The following DCAF10 variants were observed in gnomAD, a reference collection of about 807,000 sequenced individuals.
The protein encoded by DCAF10 is DDB1- and CUL4-associated factor 10.
Under a neutral mutation model 51.9 loss-of-function variants are expected in DCAF10, and 19 were observed. That is an observed-to-expected ratio of 0.37 (90% CI 0.26 to 0.54). The LOEUF (loss-of-function observed/expected upper bound fraction) is 0.54, where lower values mean the gene tolerates loss of function less well. DCAF10 is among the 20% of genes least tolerant of loss of function. The pLI, the probability that DCAF10 is intolerant of heterozygous loss-of-function variation, is 0.87. For synonymous variants in DCAF10, 291 were observed against 297.1 expected (o/e 0.98, Z 0.21); for missense variants, 510 against 730.6 (o/e 0.70, Z 3.48).
At chr9:37,853,067 G>A (rs537820765) in intron 3 of DCAF10, among the ~76,000 whole-genome samples, 90 of 146,552 alleles carry the variant, frequency 6.1e-4, no homozygotes, top group African/African-American at 2.1e-3. Flanking sequence ...CAGGAGAATC[G>A]CTTAAACCCA....
At position 37,801,140 on chromosome 9, in the gene DCAF10, TC is replaced by T; in HGVS notation, c.278del (p.Pro93LeufsTer35). Reference protein sequence around the residue: ...ASAPGEPSPPSPPCRRPGPDC... With the variant: ...ASAPGEPSPPXPPCRRPGPDC... The stretch of plus-strand genomic sequence containing the variant: ...CGCCCCGGGAGAGCCGTCACCTCCC[TC>T]CCCTCCGTGCCGGCGGCCCGGGCCA... On this transcript the variant is annotated frameshift_variant, in exon 1 of 7. Coordinates refer to ENST00000377724, the MANE Select transcript of DCAF10 (RefSeq NM_024345.5). LOFTEE classifies it high-confidence loss of function. The surrounding 1 kb of genome is among the most constrained non-coding windows in gnomAD (Gnocchi z 5.5). 1 of 1,536,574 alleles carries T rather than the reference TC, an allele frequency of 6.5e-7. No homozygotes were observed. Among genetic ancestry groups the T allele is most frequent in the East Asian group, 2.6e-5 (1 of 38,962 alleles).
At chr9:37,824,773 G>T (rs573809145) in intron 2 of DCAF10, among the ~76,000 whole-genome samples, 1 of 151,768 alleles carries the variant, frequency 6.6e-6, no homozygotes, top group South Asian at 2.1e-4. Flanking sequence ...AATGGGAAAA[G>T]AAAACTGATA....
chr9:37,826,484 A>G (rs1437028914), intron 2 of DCAF10, among the ~76,000 whole-genome samples: 1 of 152,170 alleles, frequency 6.6e-6, no homozygotes, highest in Non-Finnish European at 1.5e-5. Context: ...TAATGCTATG[A>G]CCCAGCAGTT....
At chr9:37,833,338 G>T (rs1391455699) in intron 2 of DCAF10, among the ~76,000 whole-genome samples, 1 of 152,140 alleles carries the variant, frequency 6.6e-6, no homozygotes, top group East Asian at 1.9e-4. Context: ...ATTGTCAGTT[G>T]AAAATATTGG....
At chr9:37,828,758 C>G (rs10973574) in intron 2 of DCAF10, among the ~76,000 whole-genome samples, 29,129 of 151,550 alleles carry the variant, frequency 0.19, 3,199 homozygotes, top group African/African-American at 0.29. Context: ...TGAACCAGTG[C>G]GGGGTGGAAA....
At position 37,863,667 on chromosome 9, in the gene DCAF10, G is replaced by A. The variant is rs1356669763; in HGVS notation, c.*2159G>A. 1 of 152,090 alleles carries A rather than the reference G, an allele frequency of 6.6e-6. No individual in the cohort carries two copies. The highest frequency in any genetic ancestry group is 1.5e-5 in the Non-Finnish European group (1 of 68,028). The allele number at this position is 152,090 out of a possible 1,614,324, so 9.4% of individuals were successfully genotyped here. A position where few individuals can be genotyped will look rare whatever the true frequency, so the allele number is the denominator to read the frequency against. Reference sequence around the variant, plus strand: ...GTATTATTGTAAATACCCTTAAACTGGCCAATAGATTTTAGAAAGGCAGGC... The same window carrying A: ...GTATTATTGTAAATACCCTTAAACTAGCCAATAGATTTTAGAAAGGCAGGC... On this transcript the variant is annotated 3_prime_UTR_variant, in exon 7 of 7. Coordinates refer to ENST00000377724, the MANE Select transcript of DCAF10 (RefSeq NM_024345.5).
At chr9:37,806,318 A>G (rs1374705390) in intron 1 of DCAF10, among the ~76,000 whole-genome samples, 6 of 152,194 alleles carry the variant, frequency 3.9e-5, no homozygotes, top group Non-Finnish European at 8.8e-5. Context: ...AACCAATTAT[A>G]TAGCAACTAA....
chr9:37,835,753 CA>C (rs1830144605), intron 2 of DCAF10, among the ~76,000 whole-genome samples: 1 of 151,866 alleles, frequency 6.6e-6, no homozygotes, highest in Non-Finnish European at 1.5e-5. Flanking sequence ...ACAACAACAA[CA>C]AAAAACATTA....
At chr9:37,804,940 T>A (rs1028633575) in intron 1 of DCAF10, among the ~76,000 whole-genome samples, 1 of 152,108 alleles carries the variant, frequency 6.6e-6, no homozygotes, top group Non-Finnish European at 1.5e-5. Context: ...AGGTTCTTTG[T>A]CCTTGCCAAG....
At position 37,837,450 on chromosome 9, in the gene DCAF10, T is replaced by C. The variant is rs878944189; in HGVS notation, c.654-4639T>C. Reference sequence around the variant, plus strand: ...CTCCAGCCTGGCAACAGAGCGAGACTCCATCTCAAAAAAAAAAAAAAAAAA... The same window carrying C: ...CTCCAGCCTGGCAACAGAGCGAGACCCCATCTCAAAAAAAAAAAAAAAAAA... On this transcript the variant is annotated intron_variant, in intron 2 of 6. Transcript: ENST00000377724. Among the ~76,000 whole-genome samples, 64 of 123,652 alleles carry C rather than the reference T, an allele frequency of 5.2e-4. No individual in the cohort carries two copies. The South Asian group carries it at 0.015, about 30-fold the overall frequency. 81.1% of individuals were successfully genotyped at this position (123,652 alleles called of 152,430 possible).
intron 5 of DCAF10, chr9:37,858,528 C>T (rs1160528545): frequency 9.2e-5 from 14 of 152,004 alleles, no homozygotes; most frequent in Non-Finnish European, 2.1e-4. Context: ...GTGGTAAACA[C>T]ACAAACACAA....
intron 2 of DCAF10, among the ~76,000 whole-genome samples, chr9:37,840,538 AT>A: frequency 6.6e-6 from 1 of 152,162 alleles, no homozygotes; most frequent in Non-Finnish European, 1.5e-5. Flanking sequence ...GAAAGAAAAT[AT>A]TTTTGTACAG....
intron 1 of DCAF10, among the ~76,000 whole-genome samples, chr9:37,813,916 C>A (rs1414379374): frequency 6.6e-6 from 1 of 151,092 alleles, no homozygotes; most frequent in African/African-American, 2.4e-5. Flanking sequence ...AATCTTAGAT[C>A]CTTAAATGCA....
chr9:37,831,880 G>A (rs891881425), intron 2 of DCAF10, among the ~76,000 whole-genome samples: 2 of 150,876 alleles, frequency 1.3e-5, no homozygotes, highest in South Asian at 2.1e-4. Context: ...CCTGGGAGGC[G>A]GAGGCTGTAG....
At chr9:37,859,806 A>G (rs1401845182) in intron 5 of DCAF10, among the ~76,000 whole-genome samples, 1 of 152,172 alleles carries the variant, frequency 6.6e-6, no homozygotes, top group African/African-American at 2.4e-5. Context: ...TAGGTCAGTG[A>G]CAATTACTGC....
At chr9:37,857,763 T>C (rs908606129) in intron 5 of DCAF10, among the ~76,000 whole-genome samples, 1 of 152,206 alleles carries the variant, frequency 6.6e-6, no homozygotes, top group African/African-American at 2.4e-5. Context: ...CATTTCCTTG[T>C]CTGTGCAATG....
At chr9:37,860,022 C>T (rs1185119305) in intron 5 of DCAF10, 26 bp from the exon 6 acceptor site, 2 of 1,613,030 alleles carry the variant, frequency 1.2e-6, no homozygotes, top group African/African-American at 1.3e-5. Flanking sequence ...ATACAAATCC[C>T]ACATCCTCAT....
At chr9:37,820,249 A>G (rs1376377742) in intron 2 of DCAF10, among the ~76,000 whole-genome samples, 2 of 152,258 alleles carry the variant, frequency 1.3e-5, no homozygotes. Flanking sequence ...AAGTATAGCC[A>G]GGTTCTGAAA....
At chr9:37,815,607 T>C (rs1829501089) in intron 1 of DCAF10, among the ~76,000 whole-genome samples, 1 of 151,786 alleles carries the variant, frequency 6.6e-6, no homozygotes, top group Admixed American at 6.6e-5. Flanking sequence ...ATCACGCCAT[T>C]GCACCCCAGC....
Sources: gnomAD v4.1 joint callset for allele counts (sites outside exome capture counted in the v4.1 genomes callset) on GRCh38, gnomAD v4.1.1 for gene constraint, Gnocchi (gnomAD v3.1) non-coding constraint, MANE v1.5 for transcripts, NCBI Gene and HGNC (gene_info 2026-07-23, HGNC 2026-07-21) for gene names.